CSMD1: variants seen among roughly 807,000 people sequenced by gnomAD.
CSMD1 encodes the protein CUB and Sushi multiple domains 1.
In CSMD1, 213 loss-of-function variants were observed where a neutral mutation model predicts 417.5. The observed-to-expected ratio is 0.51, with a 90% CI of 0.46 to 0.57. The LOEUF (loss-of-function observed/expected upper bound fraction) is 0.57. Among genes scored for constraint, CSMD1 ranks in the 20% least tolerant of loss-of-function variants. The probability of loss-of-function intolerance (pLI) is 0.00; values close to 1 mark genes in which losing one functional copy is unlikely to be tolerated. For synonymous variants in CSMD1, 2,862 were observed against 1,736.8 expected (o/e 1.65, Z -16.11); for missense variants, 6,923 against 4,529.7 (o/e 1.53, Z -15.17).
intron 26 of CSMD1, among the ~76,000 whole-genome samples, chr8:3,258,017 G>T (rs1489030083): frequency 1.3e-5 from 2 of 152,310 alleles, no homozygotes; most frequent in East Asian, 1.9e-4. Flanking sequence ...GAGATTGGAG[G>T]AGACTCAGCC....
At chr8:3,558,314 C>T (rs1294028543) in intron 10 of CSMD1, among the ~76,000 whole-genome samples, 1 of 138,988 alleles carries the variant, frequency 7.2e-6, no homozygotes. Context: ...TTCACTCCTC[C>T]AATGATGAAT....
At chr8:4,368,108 C>T (rs577013515) in intron 3 of CSMD1, among the ~76,000 whole-genome samples, 1 of 152,086 alleles carries the variant, frequency 6.6e-6, no homozygotes, top group Non-Finnish European at 1.5e-5. Context: ...GGGAGTGCTT[C>T]TAGCTTTTTC....
chr8:4,020,506 C>T (rs1209297257), intron 4 of CSMD1, among the ~76,000 whole-genome samples: 1 of 152,150 alleles, frequency 6.6e-6, no homozygotes, highest in Non-Finnish European at 1.5e-5. Flanking sequence ...CAGATCTCAC[C>T]TCTACTGCTT....
Position 4,648,404 on chromosome 8 carries a change from C to T in CSMD1, c.86-10846G>A, listed in dbSNP as rs111717199. On this transcript the variant is annotated intron_variant, in intron 1 of 69. Transcript: ENST00000635120. Reference sequence around the variant, plus strand: ...TGTCACCAAGTGGCCCCTAATGGTGCCTCAGCCATGAGTCTTGGGGCTCAG... The same window carrying T: ...TGTCACCAAGTGGCCCCTAATGGTGTCTCAGCCATGAGTCTTGGGGCTCAG... 4.0e-3 allele frequency among the ~76,000 whole-genome samples: 603 copies of T among 152,198 alleles called. 7 individuals are homozygous for T. Among genetic ancestry groups the T allele is most frequent in the African/African-American group, 0.014 (580 of 41,536 alleles).
chr8:4,348,048 A>G (rs1230189197), intron 3 of CSMD1, among the ~76,000 whole-genome samples: 1 of 152,184 alleles, frequency 6.6e-6, no homozygotes, highest in South Asian at 2.1e-4. Flanking sequence ...TAGTTACAAC[A>G]TACTCCAAAA....
chr8:3,709,850 C>CGTGTGTGT (rs141111663), intron 6 of CSMD1, among the ~76,000 whole-genome samples: 1 of 147,264 alleles, frequency 6.8e-6, no homozygotes. Context: ...TGTGTGTGTA[C>CGTGTGTGT]GTGTGTGTGT....
At chr8:3,137,210 G>A (rs1818154150) in intron 41 of CSMD1, among the ~76,000 whole-genome samples, 1 of 152,180 alleles carries the variant, frequency 6.6e-6, no homozygotes. Flanking sequence ...CTCCTATCTA[G>A]CTACAATTTT....
intron 12 of CSMD1, among the ~76,000 whole-genome samples, chr8:3,434,093 T>C (rs1270228397): frequency 6.6e-6 from 1 of 152,232 alleles, no homozygotes; most frequent in African/African-American, 2.4e-5. Flanking sequence ...TAGCATCTGA[T>C]GCTTTCCAGA....
At chr8:3,310,086 T>C (rs1566747) in intron 23 of CSMD1, among the ~76,000 whole-genome samples, 68,745 of 152,048 alleles carry the variant, frequency 0.45, 16,407 homozygotes, top group African/African-American at 0.58. Context: ...CAAAGGGATA[T>C]GCTAAATGTC....
chr8:4,680,788 C>T lies in CSMD1; in HGVS notation c.86-43230G>A, dbSNP rs1000139249. On this transcript the variant is annotated intron_variant, in intron 1 of 69. Coordinates refer to ENST00000635120, the MANE Select transcript of CSMD1 (RefSeq NM_033225.6). Reference sequence around the variant, plus strand: ...AGAGACGAGGTTTCACCATGTTGGCCAGGATGGTCTTGATCTCTTGACTTC... The same window carrying T: ...AGAGACGAGGTTTCACCATGTTGGCTAGGATGGTCTTGATCTCTTGACTTC... Among the ~76,000 whole-genome samples the T allele has an allele frequency of 9.2e-5, 14 of 152,030 alleles. No individual in the cohort carries two copies. In the East Asian group the frequency reaches 2.5e-3, roughly 27 times the overall value.
intron 2 of CSMD1, among the ~76,000 whole-genome samples, chr8:4,441,780 G>T (rs1292775641): frequency 6.6e-6 from 1 of 151,874 alleles, no homozygotes; most frequent in Admixed American, 6.6e-5. Flanking sequence ...ACTAATCTTG[G>T]GTGTATCACA....
intron 2 of CSMD1, among the ~76,000 whole-genome samples, chr8:4,434,783 C>T (rs28650794): frequency 0.025 from 3,832 of 152,228 alleles, 163 homozygotes; most frequent in African/African-American, 0.088. Context: ...TTTCCACACT[C>T]CAGACCCTGC....
intron 1 of CSMD1, among the ~76,000 whole-genome samples, chr8:4,875,546 C>G (rs1317390717): frequency 6.6e-6 from 1 of 152,038 alleles, no homozygotes; most frequent in Non-Finnish European, 1.5e-5. Flanking sequence ...TACTGTCCAA[C>G]TCAAGCAGAA....
At chr8:4,780,530 T>C (rs1332859504) in intron 1 of CSMD1, among the ~76,000 whole-genome samples, 1 of 152,172 alleles carries the variant, frequency 6.6e-6, no homozygotes, top group Non-Finnish European at 1.5e-5. Flanking sequence ...CCTGCCTTGA[T>C]GTTTTGTGCC....
At chr8:4,030,718 C>T (rs1167164332) in intron 4 of CSMD1, among the ~76,000 whole-genome samples, 1 of 152,144 alleles carries the variant, frequency 6.6e-6, no homozygotes, top group Non-Finnish European at 1.5e-5. Flanking sequence ...TTGATTTTCT[C>T]CTTGGAAAAT....
chr8:3,709,284 G>C (rs992445379), intron 6 of CSMD1, among the ~76,000 whole-genome samples: 11 of 151,864 alleles, frequency 7.2e-5, no homozygotes, highest in African/African-American at 2.7e-4. Flanking sequence ...ACATTTCTGA[G>C]GTCCCCATAT....
chr8:4,041,501 C>G (rs977388985), intron 3 of CSMD1, among the ~76,000 whole-genome samples: 1 of 152,094 alleles, frequency 6.6e-6, no homozygotes, highest in African/African-American at 2.4e-5. Flanking sequence ...AATAGTCAAC[C>G]AAACCCCAGT....
intron 3 of CSMD1, among the ~76,000 whole-genome samples, chr8:4,277,588 C>A (rs922041796): frequency 2.0e-5 from 3 of 152,064 alleles, no homozygotes; most frequent in African/African-American, 4.8e-5. Context: ...CTCATGAAAA[C>A]AGCAAGTTCA....
At chr8:4,915,334 AG>A (rs939917847) in intron 1 of CSMD1, among the ~76,000 whole-genome samples, 1 of 152,314 alleles carries the variant, frequency 6.6e-6, no homozygotes, top group African/African-American at 2.4e-5. Context: ...AATGGTAAAA[AG>A]CTAACTCTTG....
Sources: gnomAD v4.1 joint callset for allele counts (sites outside exome capture counted in the v4.1 genomes callset) on GRCh38, gnomAD v4.1.1 for gene constraint, MANE v1.5 for transcripts, NCBI Gene and HGNC (gene_info 2026-07-23, HGNC 2026-07-21) for gene names.